Variants in MARCHF11 observed in about 807,000 individuals in gnomAD.
MARCHF11 encodes the protein E3 ubiquitin-protein ligase MARCHF11.
MARCHF11 carries 29 observed loss-of-function variants against 37.3 expected under a neutral mutation model. That is an observed-to-expected ratio of 0.78 (90% CI 0.58 to 1.06). The LOEUF (loss-of-function observed/expected upper bound fraction) is 1.06, where lower values mean the gene tolerates loss of function less well. MARCHF11 is among the 50% of genes least tolerant of loss of function. The pLI is 0.00. For missense variants in MARCHF11, 482 were observed against 533.4 expected (o/e 0.90, Z 0.95); for synonymous variants, 233 against 228.0 (o/e 1.02, Z -0.20).
At chr5:16,152,698 C>T (rs1164508709) in intron 2 of MARCHF11, among the ~76,000 whole-genome samples, 1 of 151,980 alleles carries the variant, frequency 6.6e-6, no homozygotes, top group African/African-American at 2.4e-5. Context: ...TTTCTAAATT[C>T]TGCTTCCTCT....
chr5:16,172,541 GGACATATGCA>G (rs1241056490), intron 2 of MARCHF11, among the ~76,000 whole-genome samples: 1 of 152,142 alleles, frequency 6.6e-6, no homozygotes, highest in African/African-American at 2.4e-5. Flanking sequence ...GTCACAGGCT[GGACATATGCA>G]GACATTTTTA....
chr5:16,151,267 G>A (rs755245053), intron 2 of MARCHF11, among the ~76,000 whole-genome samples: 12 of 151,914 alleles, frequency 7.9e-5, no homozygotes, highest in Non-Finnish European at 1.6e-4. Context: ...ATTCACCAGC[G>A]TTTATGGATG....
intron 2 of MARCHF11, among the ~76,000 whole-genome samples, chr5:16,121,622 A>C (rs926747477): frequency 2.0e-5 from 3 of 152,194 alleles, no homozygotes; most frequent in East Asian, 3.8e-4. Flanking sequence ...TACCTGAATA[A>C]ATTCAAGTTC....
intron 2 of MARCHF11, among the ~76,000 whole-genome samples, chr5:16,115,510 A>G (rs1737214346): frequency 6.6e-6 from 1 of 152,256 alleles, no homozygotes. Flanking sequence ...AGCGTAGCAT[A>G]TTCAGAAAGC....
chr5:16,097,745 A>G (rs1404496690), intron 2 of MARCHF11, among the ~76,000 whole-genome samples: 1 of 152,226 alleles, frequency 6.6e-6, no homozygotes, highest in African/African-American at 2.4e-5. Context: ...GTTTCACCAG[A>G]TGTTATAAAG....
chr5:16,090,611 C>T (rs1736774590), intron 3 of MARCHF11, among the ~76,000 whole-genome samples: 1 of 152,066 alleles, frequency 6.6e-6, no homozygotes, highest in Non-Finnish European at 1.5e-5. Context: ...TCACTCACTC[C>T]AAATAATTTA....
chr5:16,155,007 C>T (rs7723127), intron 2 of MARCHF11, among the ~76,000 whole-genome samples: 4,478 of 151,828 alleles, frequency 0.029, 234 homozygotes, highest in African/African-American at 0.1. Context: ...TACAGTGATA[C>T]GCCTGATGTG....
chr5:16,109,092 G>C (rs971775133), intron 2 of MARCHF11, among the ~76,000 whole-genome samples: 1 of 144,680 alleles, frequency 6.9e-6, no homozygotes, highest in Non-Finnish European at 1.5e-5. Context: ...GAGCATCTGT[G>C]ACATAAGAAA....
At chr5:16,178,002 GGAAAT>G (rs1397487580) in intron 1 of MARCHF11, 121 bp from the exon 2 acceptor site, 1 of 932,418 alleles carries the variant, frequency 1.1e-6, no homozygotes, top group Non-Finnish European at 1.5e-6. Flanking sequence ...CTCTATCATA[GGAAAT>G]GAAATTAAAA....
At chr5:16,141,786 CAT>C (rs1443980028) in intron 2 of MARCHF11, among the ~76,000 whole-genome samples, 1 of 152,156 alleles carries the variant, frequency 6.6e-6, no homozygotes, top group Non-Finnish European at 1.5e-5. Flanking sequence ...ACAAAAAACA[CAT>C]GAGAACACTA....
chr5:16,165,270 G>C (rs1579422786), intron 2 of MARCHF11, among the ~76,000 whole-genome samples: 1 of 151,950 alleles, frequency 6.6e-6, no homozygotes, highest in South Asian at 2.1e-4. Flanking sequence ...CTTCATTTTA[G>C]AGTAGTTTTT....
At chr5:16,161,123 T>C (rs1204244105) in intron 2 of MARCHF11, among the ~76,000 whole-genome samples, 2 of 151,850 alleles carry the variant, frequency 1.3e-5, no homozygotes. Flanking sequence ...GCCATGTTGG[T>C]GTGCTGCACC....
At chr5:16,097,511 G>A (rs934388201) in intron 2 of MARCHF11, among the ~76,000 whole-genome samples, 20 of 152,050 alleles carry the variant, frequency 1.3e-4, no homozygotes, top group Admixed American at 1.0e-3. Flanking sequence ...AATGAAAGAG[G>A]AATATAATAA....
chr5:16,131,922 T>C (rs1737521961), intron 2 of MARCHF11, among the ~76,000 whole-genome samples: 2 of 152,208 alleles, frequency 1.3e-5, no homozygotes, highest in South Asian at 4.1e-4. Context: ...AAGTAGCAGG[T>C]GCTCTGTGGT....
chr5:16,113,462 A>C (rs1186463779), intron 2 of MARCHF11, among the ~76,000 whole-genome samples: 5 of 152,176 alleles, frequency 3.3e-5, no homozygotes, highest in South Asian at 4.1e-4. Flanking sequence ...GACTTTAAAA[A>C]CTAGGATTTT....
At chr5:16,132,983 GTACT>G (rs768880306) in intron 2 of MARCHF11, among the ~76,000 whole-genome samples, 3 of 152,112 alleles carry the variant, frequency 2.0e-5, no homozygotes, top group Non-Finnish European at 4.4e-5. Flanking sequence ...AAATCTTCAT[GTACT>G]TAATCAGAGT....
intron 3 of MARCHF11, among the ~76,000 whole-genome samples, chr5:16,085,605 A>C (rs970695459): frequency 2.1e-4 from 32 of 151,720 alleles, no homozygotes; most frequent in African/African-American, 7.7e-4. Flanking sequence ...GGGGGGATAA[A>C]CTGATAAAGC....
chr5:16,133,704 CAG>C (rs995437142), intron 2 of MARCHF11, among the ~76,000 whole-genome samples: 4 of 151,954 alleles, frequency 2.6e-5, no homozygotes, highest in African/African-American at 9.7e-5. Flanking sequence ...ATATTTAAAA[CAG>C]AGTGTCCAAT....
intron 3 of MARCHF11, among the ~76,000 whole-genome samples, chr5:16,075,983 A>G (rs1736509402): frequency 6.6e-6 from 1 of 152,254 alleles, no homozygotes; most frequent in Admixed American, 6.5e-5. Flanking sequence ...TGCCTGTATC[A>G]ATCACAAACT....
Sources: allele counts gnomAD v4.1 joint callset (sites outside exome capture counted in the v4.1 genomes callset), GRCh38; gene constraint gnomAD v4.1.1; transcripts MANE v1.5; gene names NCBI Gene and HGNC (gene_info 2026-07-23, HGNC 2026-07-21).